The following EVI5 variants were observed in gnomAD, a reference collection of about 807,000 sequenced individuals.
The protein encoded by EVI5 is ecotropic viral integration site 5 protein homolog.
Under a neutral mutation model 112.0 loss-of-function variants are expected in EVI5, and 73 were observed. The observed-to-expected ratio is 0.65, with a 90% confidence interval of 0.54 to 0.79. EVI5 has a LOEUF of 0.79. Ranked by LOEUF, EVI5 falls within the 30% of genes least tolerant of loss-of-function variation. EVI5 has a pLI of 0.00. For synonymous variants in EVI5, 305 were observed against 319.9 expected (o/e 0.95, Z 0.50); for missense variants, 900 against 968.8 (o/e 0.93, Z 0.94).
At chr1:92,675,773 G>A (rs536664069) in intron 10 of EVI5, among the ~76,000 whole-genome samples, 39 of 152,064 alleles carry the variant, frequency 2.6e-4, no homozygotes, top group African/African-American at 8.7e-4. Context: ...TGGCTAACAC[G>A]GTGAAACCCC....
chr1:92,783,507 AG>A (rs1484052834), intron 1 of EVI5, among the ~76,000 whole-genome samples: 5 of 143,440 alleles, frequency 3.5e-5, no homozygotes, highest in African/African-American at 5.2e-5. Context: ...AAAAAAAAAA[AG>A]AAAAGAAAAG....
At chr1:92,706,779 T>C (rs962814235) in intron 2 of EVI5, among the ~76,000 whole-genome samples, 1 of 152,170 alleles carries the variant, frequency 6.6e-6, no homozygotes, top group African/African-American at 2.4e-5. Context: ...ATAAAATATC[T>C]CAAGACATTA....
At chr1:92,739,848 T>C (rs1229639308) in intron 1 of EVI5, among the ~76,000 whole-genome samples, 2 of 151,766 alleles carry the variant, frequency 1.3e-5, no homozygotes, top group East Asian at 3.9e-4. Context: ...ATTTCTAGAG[T>C]ATAATATTCC....
chr1:92,564,741 G>A (rs1224936808), intron 18 of EVI5, among the ~76,000 whole-genome samples: 6 of 149,938 alleles, frequency 4.0e-5, no homozygotes, highest in Admixed American at 6.7e-5. Flanking sequence ...GTGCAATGGC[G>A]CGATTTCGGC....
chr1:92,741,689 T>A (rs1050540773), intron 1 of EVI5, among the ~76,000 whole-genome samples: 1 of 152,202 alleles, frequency 6.6e-6, no homozygotes, highest in African/African-American at 2.4e-5. Context: ...ACTCAGTATT[T>A]TATTTTTTAG....
intron 13 of EVI5, among the ~76,000 whole-genome samples, chr1:92,652,464 T>C (rs758197736): frequency 6.6e-6 from 1 of 152,182 alleles, no homozygotes; most frequent in Non-Finnish European, 1.5e-5. Flanking sequence ...GACACTGAAC[T>C]GTACACTTAA....
chr1:92,759,709 T>C (rs919536178), intron 1 of EVI5, among the ~76,000 whole-genome samples: 4 of 152,192 alleles, frequency 2.6e-5, no homozygotes, highest in Admixed American at 2.0e-4. Flanking sequence ...GGATCATACT[T>C]ATATCATTAT....
At chr1:92,685,128 A>T (rs567391573) in intron 9 of EVI5, among the ~76,000 whole-genome samples, 1 of 152,230 alleles carries the variant, frequency 6.6e-6, no homozygotes, top group East Asian at 1.9e-4. Flanking sequence ...CATGGCACTT[A>T]TTCCAAAATT....
chr1:92,516,441 T>C (rs890007684), intron 19 of EVI5, among the ~76,000 whole-genome samples: 2 of 152,212 alleles, frequency 1.3e-5, no homozygotes, highest in African/African-American at 4.8e-5. Flanking sequence ...GCTGTTAATA[T>C]GGAATAGCAA....
intron 19 of EVI5, among the ~76,000 whole-genome samples, chr1:92,524,788 G>A (rs991652933): frequency 2.0e-5 from 3 of 151,102 alleles, no homozygotes; most frequent in Admixed American, 2.0e-4. Flanking sequence ...TCTACCCTTA[G>A]GAATATAGTC....
At chr1:92,759,838 T>C (rs1681528800) in intron 1 of EVI5, among the ~76,000 whole-genome samples, 1 of 150,254 alleles carries the variant, frequency 6.7e-6, no homozygotes, top group Non-Finnish European at 1.5e-5. Context: ...AATATTCATA[T>C]TCATACATAT....
At position 92,511,812 on chromosome 1, in the gene EVI5, C is replaced by T. The variant is rs1659206952; in HGVS notation, c.*1844G>A. On this transcript the variant is annotated 3_prime_UTR_variant, in exon 20 of 20. Coordinates refer to ENST00000684568, the MANE Select transcript of EVI5 (RefSeq NM_001350197.2). ...CATTTCTCAGGCAAGCAAATAGCTA[C>T]AAAAACCTTGCTGGAAAGCCTAGTC... 1.3e-5 allele frequency: 2 copies of T among 152,164 alleles called. No homozygotes were observed. Among genetic ancestry groups the T allele is most frequent in the Admixed American group, 1.3e-4 (2 of 15,270 alleles). 9.4% of individuals were successfully genotyped at this position (152,164 alleles called of 1,614,324 possible). A position where few individuals can be genotyped will look rare whatever the true frequency, so the allele number is the denominator to read the frequency against.
chr1:92,649,669 C>T (rs1661728020), intron 13 of EVI5, among the ~76,000 whole-genome samples: 1 of 152,048 alleles, frequency 6.6e-6, no homozygotes, highest in Admixed American at 6.6e-5. Flanking sequence ...TGGAAATTAG[C>T]TGGGCATGGT....
chr1:92,531,404 T>C (rs1230571831), intron 19 of EVI5, among the ~76,000 whole-genome samples: 8 of 152,082 alleles, frequency 5.3e-5, no homozygotes, highest in Middle Eastern at 6.8e-3. Context: ...CCTAGCAAGG[T>C]AGGCCAACAT....
intron 14 of EVI5, among the ~76,000 whole-genome samples, chr1:92,628,014 TCCTGA>T (rs1656061425): frequency 6.6e-6 from 1 of 152,170 alleles, no homozygotes; most frequent in African/African-American, 2.4e-5. Context: ...GCTCTTGAAC[TCCTGA>T]CCTTGTGATC....
In EVI5 at chr1:92,509,272, T is replaced by C. The variant is rs1027028074; in HGVS notation, c.*4384A>G. On this transcript the variant is annotated 3_prime_UTR_variant, in exon 20 of 20. Transcript: ENST00000684568. ...AAAAAGGTGTAGACCTTATTTTCAA[T>C]CAAAGGCACTATCTGGAGAGTTAAC... 10 of 152,572 alleles carry C rather than the reference T, an allele frequency of 6.6e-5. No homozygotes were observed. The highest frequency in any genetic ancestry group is 5.2e-4 in the Admixed American group (8 of 15,270). 9.5% of individuals were successfully genotyped at this position (152,572 alleles called of 1,614,324 possible).
intron 19 of EVI5, among the ~76,000 whole-genome samples, chr1:92,547,934 A>C (rs1409651507): frequency 6.6e-6 from 1 of 152,236 alleles, no homozygotes; most frequent in Non-Finnish European, 1.5e-5. Flanking sequence ...AGGAGCTGGT[A>C]CCATTCCTTC....
intron 5 of EVI5, among the ~76,000 whole-genome samples, chr1:92,699,012 T>C (rs141705878): frequency 2.0e-4 from 31 of 152,342 alleles, no homozygotes; most frequent in African/African-American, 7.5e-4. Flanking sequence ...ATTCCCGTTA[T>C]ACCAGTGTGT....
intron 4 of EVI5, among the ~76,000 whole-genome samples, 191 bp downstream of exon 4, chr1:92,703,204 A>G (rs1268755264): frequency 2.6e-5 from 4 of 152,104 alleles, no homozygotes; most frequent in Admixed American, 2.6e-4. Context: ...AACGTAGTAA[A>G]TGTTCTAACA....
Sources: allele counts gnomAD v4.1 joint callset (sites outside exome capture counted in the v4.1 genomes callset), GRCh38; gene constraint gnomAD v4.1.1; transcripts MANE v1.5; gene names NCBI Gene and HGNC (gene_info 2026-07-23, HGNC 2026-07-21).